The following TRAPPC9 variants were observed in gnomAD, a reference collection of about 807,000 sequenced individuals.
The protein encoded by TRAPPC9 is trafficking protein particle complex subunit 9, also known as IKK2 binding protein.
Under a neutral mutation model 124.0 loss-of-function variants are expected in TRAPPC9, and 83 were observed. The ratio of observed to expected loss-of-function variants is 0.67; its 90% confidence interval spans 0.56 to 0.80. The LOEUF (loss-of-function observed/expected upper bound fraction) is 0.80. TRAPPC9 is among the 30% of genes least tolerant of loss of function. TRAPPC9 has a pLI of 0.00. For missense variants in TRAPPC9, 1,302 were observed against 1,508.3 expected (o/e 0.86, Z 2.27); for synonymous variants, 638 against 617.5 (o/e 1.03, Z -0.49).
At position 140,360,186 on chromosome 8, in the gene TRAPPC9, G is replaced by A. The variant is rs891913550; in HGVS notation, c.1359C>T (p.His453=). ...LDPKDFSRGT[H]RGWAAVQMRL... is the part of the protein sequence containing the mutation. ...GCATCTGGACCGCAGCCCAGCCTCT[G>A]TGCGTGCCTGCGATGGAAGTTACAA... Residue 453 remains histidine, a synonymous_variant, in exon 9 of 23, where the codon CAC becomes CAT. Coordinates refer to ENST00000438773, the MANE Select transcript of TRAPPC9 (RefSeq NM_001160372.4). The A allele has an allele frequency of 1.2e-6, 2 of 1,614,086 alleles. No individual in the cohort carries two copies. The highest frequency in any genetic ancestry group is 8.5e-7 in the Non-Finnish European group (1 of 1,180,048).
intron 10 of TRAPPC9, among the ~76,000 whole-genome samples, chr8:140,305,354 G>A (rs1003328880): frequency 1.3e-5 from 2 of 152,142 alleles, no homozygotes; most frequent in African/African-American, 2.4e-5. Context: ...AGGTTGGAGT[G>A]CAGTGGTGCG....
chr8:140,211,876 G>C (rs1205710685), intron 17 of TRAPPC9, among the ~76,000 whole-genome samples: 1 of 152,190 alleles, frequency 6.6e-6, no homozygotes, highest in Non-Finnish European at 1.5e-5. Context: ...TACAGTGATG[G>C]GGAGCTCAGC....
chr8:140,064,910 T>C (rs1842828386), intron 17 of TRAPPC9, among the ~76,000 whole-genome samples: 1 of 152,188 alleles, frequency 6.6e-6, no homozygotes. Flanking sequence ...GAAACAATGT[T>C]TGTCCATGGG....
intron 21 of TRAPPC9, among the ~76,000 whole-genome samples, chr8:139,759,347 C>T (rs1052458412): frequency 1.3e-5 from 2 of 152,192 alleles, no homozygotes; most frequent in Admixed American, 6.5e-5. Context: ...TCTTTACATA[C>T]ATGGTCCCCT....
At chr8:140,275,873 A>T in intron 14 of TRAPPC9, 52 bp from the exon 15 acceptor site, 1 of 1,448,848 alleles carries the variant, frequency 6.9e-7, no homozygotes, top group Non-Finnish European at 9.6e-7. Flanking sequence ...AGCCAAGGCC[A>T]TTTGAAAATT....
intron 4 of TRAPPC9, among the ~76,000 whole-genome samples, chr8:140,429,089 T>G (rs951890995): frequency 2.7e-5 from 4 of 150,602 alleles, no homozygotes; most frequent in Non-Finnish European, 5.9e-5. Context: ...TGTTTTTGTT[T>G]TTTTTTTTTT....
Position 140,283,964 on chromosome 8 carries a change from C to G in TRAPPC9, c.2039G>C (p.Gly680Ala). Residue 680 changes from glycine (G) to alanine (A), a missense_variant, in exon 14 of 23, where the codon GGA becomes GCA. Gly to Ala is a moderately conservative substitution (Grantham distance 60). Around this residue, in one of 3 missense-constraint regions of TRAPPC9, gnomAD observed 640 missense variants for 679.3 expected, o/e 0.94. Coordinates refer to ENST00000438773, the MANE Select transcript of TRAPPC9 (RefSeq NM_001160372.4). ...FSDCLLDNLP[G>A]IKTSGSTVEV... ...CACTGTGGAGCCACTGGTTTTTATT[C>G]CCGGCAGGTTATCCAGCAAACAGTC... 6.2e-7 allele frequency: 1 copy of G among 1,614,178 alleles called. No individual in the cohort carries two copies.
At chr8:140,335,934 C>A (rs62529433) in intron 9 of TRAPPC9, among the ~76,000 whole-genome samples, 12,606 of 152,094 alleles carry the variant, frequency 0.083, 657 homozygotes, top group African/African-American at 0.14. Context: ...TCTCAAACTC[C>A]TGACCTCAAG....
intron 16 of TRAPPC9, among the ~76,000 whole-genome samples, chr8:140,225,270 T>A (rs544912990): frequency 6.6e-6 from 1 of 152,284 alleles, no homozygotes; most frequent in East Asian, 1.9e-4. Context: ...TTGTAAGCCC[T>A]CAGTAAATAG....
At chr8:139,765,353 C>T (rs1241990762) in intron 21 of TRAPPC9, among the ~76,000 whole-genome samples, 6 of 152,196 alleles carry the variant, frequency 3.9e-5, no homozygotes, top group Non-Finnish European at 7.3e-5. Flanking sequence ...CTGACGCCCT[C>T]GAGGGACAGC....
intron 20 of TRAPPC9, among the ~76,000 whole-genome samples, chr8:139,903,321 C>T (rs1342273460): frequency 1.3e-5 from 2 of 152,162 alleles, no homozygotes; most frequent in East Asian, 3.9e-4. Flanking sequence ...CTCCTCCAGA[C>T]AGAATGGAGG....
At chr8:140,300,336 T>C in intron 11 of TRAPPC9, 133 bp downstream of exon 11, 1 of 1,153,240 alleles carries the variant, frequency 8.7e-7, no homozygotes, top group Non-Finnish European at 1.3e-6. Context: ...CACATATGCA[T>C]GCGTGCACAC....
intron 18 of TRAPPC9, among the ~76,000 whole-genome samples, chr8:139,993,310 C>A (rs142767428): frequency 1.8e-3 from 277 of 152,242 alleles, no homozygotes; most frequent in Non-Finnish European, 3.5e-3. Context: ...TAAACAGGAA[C>A]AGAAGCTCAA....
intron 20 of TRAPPC9, among the ~76,000 whole-genome samples, chr8:139,892,945 C>A (rs1193663727): frequency 6.6e-6 from 1 of 152,174 alleles, no homozygotes; most frequent in African/African-American, 2.4e-5. Flanking sequence ...CAGCCTCAGT[C>A]CACAACGACA....
intron 16 of TRAPPC9, among the ~76,000 whole-genome samples, chr8:140,250,147 T>C (rs552287665): frequency 6.6e-6 from 1 of 152,296 alleles, no homozygotes; most frequent in East Asian, 1.9e-4. Flanking sequence ...AGAACATTCT[T>C]CCCACTTGCG....
At chr8:140,401,030 T>C (rs1222134301) in intron 6 of TRAPPC9, among the ~76,000 whole-genome samples, 2 of 152,236 alleles carry the variant, frequency 1.3e-5, no homozygotes, top group East Asian at 3.8e-4. Context: ...TGTATACTAG[T>C]ACCTGAAGAG....
intron 21 of TRAPPC9, among the ~76,000 whole-genome samples, chr8:139,830,631 TAC>T (rs775238335): frequency 4.0e-5 from 6 of 150,516 alleles, no homozygotes; most frequent in East Asian, 2.0e-4. Flanking sequence ...CACACATGCA[TAC>T]ACAGATACAA....
chr8:140,030,160 T>A (rs1265448029), intron 17 of TRAPPC9, among the ~76,000 whole-genome samples: 1 of 152,172 alleles, frequency 6.6e-6, no homozygotes. Context: ...AATGCACTCA[T>A]GAAAAACCTA....
chr8:140,456,178 G>C (rs190448519), intron 1 of TRAPPC9, among the ~76,000 whole-genome samples: 13 of 152,280 alleles, frequency 8.5e-5, no homozygotes, highest in African/African-American at 2.9e-4. Flanking sequence ...GGGAGGCCAA[G>C]GCGGGTGGAT....
Sources: allele counts gnomAD v4.1 joint callset (sites outside exome capture counted in the v4.1 genomes callset), GRCh38; gene constraint gnomAD v4.1.1; regional missense constraint gnomAD v4.1.1; transcripts MANE v1.5; gene names NCBI Gene and HGNC (gene_info 2026-07-23, HGNC 2026-07-21).